STAG2: variants seen among roughly 807,000 people sequenced by gnomAD.
The protein encoded by STAG2 is STAG2 cohesin complex component.
Under a neutral mutation model 108.1 loss-of-function variants are expected in STAG2, and 14 were observed. The ratio of observed to expected loss-of-function variants is 0.13; its 90% CI spans 0.09 to 0.20. The LOEUF (loss-of-function observed/expected upper bound fraction) is 0.20, where lower values mean the gene tolerates loss of function less well. Among genes scored for constraint, STAG2 ranks in the 10% least tolerant of loss-of-function variants. The pLI is 1.00. For missense variants in STAG2, 440 were observed against 940.9 expected (o/e 0.47, Z 6.96); for synonymous variants, 307 against 302.7 (o/e 1.01, Z -0.15).
intron 1 of STAG2, among the ~76,000 whole-genome samples, chrX:124,006,049 T>A (rs1016093309): frequency 5.4e-5 from 6 of 111,052 alleles, no homozygotes; most frequent in Non-Finnish European, 9.4e-5. Context: ...ATTGCATTCC[T>A]CCCTAAGGAC....
At chrX:124,093,439 T>C (rs1261576636) in intron 32 of STAG2, among the ~76,000 whole-genome samples, 2 of 108,402 alleles carry the variant, frequency 1.8e-5, no homozygotes, top group African/African-American at 6.7e-5. Flanking sequence ...GTAAGCTCCT[T>C]GAGGGCAGGA....
In STAG2 at chrX:124,053,437, A is replaced by C. The variant is rs374499449; in HGVS notation, c.1196+2043A>C. On this transcript the variant is annotated intron_variant, in intron 13 of 34. Coordinates refer to ENST00000371145, the MANE Select transcript of STAG2 (RefSeq NM_001042750.2). ...ATTCTGTATATTTACCACAATGTAAATAGTAAAGGCAAAGGAATTTTTTTT... is the reference window on the plus strand; with the variant it reads ...ATTCTGTATATTTACCACAATGTAACTAGTAAAGGCAAAGGAATTTTTTTT... Among the ~76,000 whole-genome samples the C allele has an allele frequency of 2.4e-4, 27 of 110,865 alleles. No homozygotes were observed. The East Asian group carries it at 7.3e-3, about 30-fold the overall frequency.
At chrX:124,087,948 A>G (rs1267353745) in intron 30 of STAG2, among the ~76,000 whole-genome samples, 1 of 112,552 alleles carries the variant, frequency 8.9e-6, no homozygotes, top group African/African-American at 3.2e-5. Flanking sequence ...GGTTAGTTAT[A>G]TAGTCCCAAC....
At chrX:124,043,639 A>G (rs1009354509) in intron 7 of STAG2, among the ~76,000 whole-genome samples, 1 of 111,871 alleles carries the variant, frequency 8.9e-6, no homozygotes, top group Non-Finnish European at 1.9e-5. Context: ...GTATAAGAAC[A>G]TATCCTGGAA....
intron 1 of STAG2, among the ~76,000 whole-genome samples, chrX:124,000,991 T>C (rs1246818744): frequency 8.9e-6 from 1 of 112,327 alleles, no homozygotes; most frequent in African/African-American, 3.2e-5. Flanking sequence ...CTGTGCAATA[T>C]GTGTTTTAAG....
chrX:124,039,375 C>T (rs2057628183), intron 6 of STAG2, among the ~76,000 whole-genome samples: 1 of 109,291 alleles, frequency 9.1e-6, no homozygotes, highest in Admixed American at 9.9e-5. Flanking sequence ...CCATGTTGCC[C>T]AGGCCGCAAG....
intron 1 of STAG2, among the ~76,000 whole-genome samples, chrX:123,962,663 G>C (rs1056885914): frequency 9.0e-6 from 1 of 111,325 alleles, no homozygotes; most frequent in African/African-American, 3.3e-5. Flanking sequence ...CATGGTGTTG[G>C]ATTAAATGGT....
intron 1 of STAG2, among the ~76,000 whole-genome samples, chrX:123,975,492 C>G (rs1422323884): frequency 8.9e-6 from 1 of 111,911 alleles, no homozygotes; most frequent in Non-Finnish European, 1.9e-5. Flanking sequence ...GCCAGAGTTT[C>G]GCTCTTGTTG....
chrX:124,071,834 G>A (rs1569517902), intron 25 of STAG2, among the ~76,000 whole-genome samples: 4 of 110,298 alleles, frequency 3.6e-5, no homozygotes, highest in Admixed American at 2.9e-4. Context: ...TAAAAGTCTG[G>A]GGCAGTATAT....
At chrX:124,021,497 T>C (rs1488026860) in intron 2 of STAG2, 66 bp downstream of exon 2, 1 of 112,295 alleles carries the variant, frequency 8.9e-6, no homozygotes, top group Non-Finnish European at 1.9e-5. Context: ...TGTTTGCTTT[T>C]AGGTCATTTT....
intron 14 of STAG2, among the ~76,000 whole-genome samples, chrX:124,057,601 G>T (rs1433940214): frequency 8.9e-6 from 1 of 111,877 alleles, no homozygotes; most frequent in Non-Finnish European, 1.9e-5. Flanking sequence ...ATACAGTAAG[G>T]TTTTTAAAAA....
At chrX:124,061,174 A>C (rs2058366228) in intron 15 of STAG2, 50 bp from the exon 16 acceptor site, 1 of 903,891 alleles carries the variant, frequency 1.1e-6, no homozygotes, top group Non-Finnish European at 1.5e-6. Context: ...TTTTGAGTTA[A>C]GGCTAGTATG....
chrX:124,036,211 G>A (rs894108487), intron 5 of STAG2, among the ~76,000 whole-genome samples: 2 of 111,099 alleles, frequency 1.8e-5, no homozygotes, highest in Non-Finnish European at 3.8e-5. Flanking sequence ...TATCTTTTTT[G>A]TACATTAGAT....
chrX:123,983,746 G>C (rs1313836128), intron 1 of STAG2, among the ~76,000 whole-genome samples: 1 of 109,789 alleles, frequency 9.1e-6, no homozygotes, highest in Non-Finnish European at 1.9e-5. Flanking sequence ...TTGGGGATTT[G>C]TCAGTACCAA....
intron 1 of STAG2, among the ~76,000 whole-genome samples, chrX:123,973,888 T>C (rs2054493661): frequency 9.1e-6 from 1 of 109,392 alleles, no homozygotes. Context: ...TATACAATGG[T>C]AAACTAGATT....
chrX:124,047,275 A>T, intron 8 of STAG2, 79 bp from the exon 9 acceptor site: 1 of 881,080 alleles, frequency 1.1e-6, no homozygotes, highest in Non-Finnish European at 1.6e-6. Context: ...TTTCTGCTTA[A>T]TATTTCTATT....
At chrX:124,093,903 C>A in intron 32 of STAG2, 115 bp from the exon 33 acceptor site, 1 of 811,460 alleles carries the variant, frequency 1.2e-6, no homozygotes, top group Non-Finnish European at 1.8e-6. Context: ...TTCTCCCTGA[C>A]CTTTAATTCC....
intron 1 of STAG2, among the ~76,000 whole-genome samples, chrX:124,017,365 GTGCCCAGCTAA>G (rs2056768089): frequency 9.1e-6 from 1 of 109,730 alleles, no homozygotes; most frequent in Non-Finnish European, 1.9e-5. Flanking sequence ...GCACACCACT[GTGCCCAGCTAA>G]TTTTTGTATT....
intron 1 of STAG2, among the ~76,000 whole-genome samples, chrX:123,995,038 A>G (rs2055665221): frequency 8.9e-6 from 1 of 112,135 alleles, no homozygotes; most frequent in Non-Finnish European, 1.9e-5. Flanking sequence ...TCCTATTTTT[A>G]GCACACTTGG....
Sources: gnomAD v4.1 joint callset for allele counts (sites outside exome capture counted in the v4.1 genomes callset) on GRCh38, gnomAD v4.1.1 for gene constraint, MANE v1.5 for transcripts, NCBI Gene and HGNC (gene_info 2026-07-23, HGNC 2026-07-21) for gene names.